LMOD2: variants seen among roughly 807,000 people sequenced by gnomAD.
LMOD2 encodes leiomodin-2.
LMOD2 carries 27 observed loss-of-function variants against 41.7 expected under a neutral mutation model. That is an observed-to-expected ratio of 0.65 (90% CI 0.48 to 0.89). LMOD2 has a LOEUF of 0.89. Among genes scored for constraint, LMOD2 ranks in the 40% least tolerant of loss-of-function variants. LMOD2 has a pLI of 0.00. For synonymous variants in LMOD2, 251 were observed against 244.6 expected (o/e 1.03, Z -0.25); for missense variants, 624 against 667.9 (o/e 0.93, Z 0.72).
chr7:123,660,284 CTT>C lies in LMOD2; in HGVS notation c.274-1574_274-1573del, dbSNP rs1374217465. ...CAGCTGCCACCAAACATTTCTCTCT[CTT>C]TCTCTCTCTCTCTCTCTCTCCCTCT... On this transcript the variant is annotated intron_variant, in intron 1 of 2. Transcript: ENST00000458573. 2.4e-3 allele frequency among the ~76,000 whole-genome samples: 341 copies of C among 142,134 alleles called. 3 individuals carry two copies. Among genetic ancestry groups the C allele is most frequent in the African/African-American group, 7.8e-3 (314 of 40,004 alleles). 93.2% of individuals were successfully genotyped at this position (142,134 alleles called of 152,430 possible).
chr7:123,663,015 C>CA lies in LMOD2; in HGVS notation c.1436dup (p.Lys480GlufsTer44), dbSNP rs867517246. Reference sequence around the variant, plus strand: ...TGCCCAACGGGCATTACAAAATGGACAAAAAAAGAAAAAAGGGAAAAAGGT... The same window carrying CA: ...TGCCCAACGGGCATTACAAAATGGACAAAAAAAAGAAAAAAGGGAAAAAGGT... On this transcript the variant is annotated frameshift_variant, in exon 2 of 3. Transcript: ENST00000458573. LOFTEE classifies it high-confidence loss of function. The CA allele has an allele frequency of 6.5e-7, 1 of 1,546,318 alleles. No individual in the cohort carries two copies. The highest frequency in any genetic ancestry group is 8.7e-7 in the Non-Finnish European group (1 of 1,145,884).
rs767156746 is a variant in LMOD2, at chr7:123,655,955, G to C, written c.-9G>C. On this transcript the variant is annotated 5_prime_UTR_variant, in exon 1 of 3. Transcript: ENST00000458573. ...TCAAGCTCCTTCTGGGTCTGACAAA[G>C]CAGGGACCATGTCTACCTTTGGCTA... 7 of 1,598,222 alleles carry C rather than the reference G, an allele frequency of 4.4e-6. 1 individual carries two copies. In the South Asian group the frequency reaches 7.9e-5, roughly 18 times the overall value.
intron 1 of LMOD2, among the ~76,000 whole-genome samples, chr7:123,657,989 A>G (rs1802815759): frequency 1.1e-5 from 1 of 88,032 alleles, no homozygotes; most frequent in Non-Finnish European, 2.5e-5. Context: ...ACCTTGTCTC[A>G]TTAAAAAAAA....
Position 123,662,567 on chromosome 7 carries a change from G to A in LMOD2, c.981G>A (p.Thr327=), listed in dbSNP as rs373016889. Residue 327 remains threonine, a synonymous_variant, in exon 2 of 3, where the codon ACG becomes ACA. Transcript: ENST00000458573. This position sits in a 1 kb window ranked among gnomAD's most constrained non-coding sequence, Gnocchi z 4.0. ...TCAAGCTGCTGAAGGAGAACACGAC[G>A]CTGCTGAGGCTGGGATACCATTTTG... is the stretch of plus-strand genomic sequence containing the variant. ...EIVKLLKENT[T]LLRLGYHFEL... 13 of 1,613,978 alleles carry A rather than the reference G, an allele frequency of 8.1e-6. No homozygotes were observed. Among genetic ancestry groups the A allele is most frequent in the South Asian group, 6.6e-5 (6 of 91,084 alleles).
chr7:123,655,978 C>T lies in LMOD2; in HGVS notation c.15C>T (p.Gly5=). The T allele has an allele frequency of 6.2e-7, 1 of 1,606,346 alleles. No individual in the cohort carries two copies. The highest frequency in any genetic ancestry group is 8.5e-7 in the Non-Finnish European group (1 of 1,177,136). The change falls in exon 1 of 3, where the codon GGC becomes GGT. Residue 5 remains glycine (G), a synonymous_variant. Transcript: ENST00000458573. ...AAGCAGGGACCATGTCTACCTTTGG[C>T]TACCGAAGAGGACTCAGTAAATACG... MSTF[G]YRRGLSKYES...
chr7:123,662,272 T>C lies in LMOD2; in HGVS notation c.686T>C (p.Leu229Pro). ...NNIENITTQT[L>P]TRFAEALKDN... The stretch of plus-strand genomic sequence containing the variant: ...ATTGAGAACATCACAACACAGACCC[T>C]TACCCGCTTTGCTGAAGCCCTCAAG... The change falls in exon 2 of 3, where the codon CTT (leucine) becomes CCT (proline). Residue 229 changes from leucine to proline, a missense_variant. Physicochemically the swap from Leu to Pro is moderately conservative, Grantham distance 98. Coordinates refer to ENST00000458573, the MANE Select transcript of LMOD2 (RefSeq NM_207163.3). This position sits in a 1 kb window ranked among gnomAD's most constrained non-coding sequence, Gnocchi z 4.0. 6.2e-7 allele frequency: 1 copy of C among 1,613,986 alleles called. No individual in the cohort carries two copies. The highest frequency in any genetic ancestry group is 8.5e-7 in the Non-Finnish European group (1 of 1,179,882).
chr7:123,662,810 G>A lies in LMOD2; in HGVS notation c.1224G>A (p.Gln408=), dbSNP rs376215847. ...WSSPKLPKKV[Q]TVRSRPLSPV... ...CCCCAAAACTCCCCAAAAAAGTCCA[G>A]ACTGTGAGGAGCCGTCCTCTGTCTC... Residue 408 remains glutamine (Q), a synonymous_variant, in exon 2 of 3, where the codon CAG becomes CAA. Coordinates refer to ENST00000458573, the MANE Select transcript of LMOD2 (RefSeq NM_207163.3). The surrounding 1 kb of genome is among the most constrained non-coding windows in gnomAD (Gnocchi z 4.0). 6.2e-7 allele frequency: 1 copy of A among 1,613,208 alleles called. No individual in the cohort carries two copies. Among genetic ancestry groups the A allele is most frequent in the East Asian group, 2.2e-5 (1 of 44,822 alleles).
rs542588014 is a variant in LMOD2 at position 123,656,011 on chromosome 7, C to T, written c.48C>T (p.Ile16=). ...GAGGACTCAGTAAATACGAATCCAT[C>T]GACGAGGATGAACTCCTCGCCTCCC... ...YRRGLSKYES[I]DEDELLASLS... The change falls in exon 1 of 3, where the codon ATC becomes ATT. Residue 16 remains isoleucine, a synonymous_variant. Coordinates refer to ENST00000458573, the MANE Select transcript of LMOD2 (RefSeq NM_207163.3). 31 of 1,609,198 alleles carry T rather than the reference C, an allele frequency of 1.9e-5. No individual in the cohort carries two copies. In the East Asian group the frequency reaches 3.4e-4, roughly 17 times the overall value.
rs1198544498 is a variant in LMOD2, at chr7:123,656,138, A to C, written c.175A>C (p.Thr59Pro). 1.2e-6 allele frequency: 2 copies of C among 1,609,620 alleles called. No homozygotes were observed. The highest frequency in any genetic ancestry group is 1.1e-5 in the South Asian group (1 of 89,958). The change falls in exon 1 of 3, where the codon ACC becomes CCC. Residue 59 changes from threonine (T) to proline (P), a missense_variant. Thr to Pro is a conservative substitution (Grantham distance 38). Coordinates refer to ENST00000458573, the MANE Select transcript of LMOD2 (RefSeq NM_207163.3). ...GLRQKSLTEK[T>P]PTGTFSREAL... Reference sequence around the variant, plus strand: ...AAGGCAAAAGAGCCTGACAGAGAAAACCCCCACAGGGACATTCAGCAGAGA... The same window carrying C: ...AAGGCAAAAGAGCCTGACAGAGAAACCCCCCACAGGGACATTCAGCAGAGA...
At chr7:123,658,277 C>A (rs778905163) in intron 1 of LMOD2, among the ~76,000 whole-genome samples, 4 of 152,154 alleles carry the variant, frequency 2.6e-5, no homozygotes, top group African/African-American at 9.7e-5. Flanking sequence ...TCCCTGCTGG[C>A]CAGCTGTCTG....
Position 123,656,128 on chromosome 7 carries a change from G to A in LMOD2, c.165G>A (p.Leu55=), listed in dbSNP as rs1260111227. Residue 55 remains leucine (L), a synonymous_variant, in exon 1 of 3, where the codon CTG becomes CTA. Coordinates refer to ENST00000458573, the MANE Select transcript of LMOD2 (RefSeq NM_207163.3). ...CCGTGGGGCTAAGGCAAAAGAGCCT[G>A]ACAGAGAAAACCCCCACAGGGACAT... The part of the protein sequence containing the change: ...NLPVGLRQKS[L]TEKTPTGTFS... The A allele has an allele frequency of 6.2e-7, 1 of 1,610,322 alleles. No individual in the cohort carries two copies. Among genetic ancestry groups the A allele is most frequent in the Non-Finnish European group, 8.5e-7 (1 of 1,178,304 alleles).
rs759412133 is a variant in LMOD2 at position 123,661,940 on chromosome 7, A to AGAG, written c.370_372dup (p.Glu124dup). The AGAG allele has an allele frequency of 5.3e-5, 83 of 1,553,884 alleles. No homozygotes were observed. In the Admixed American group the frequency reaches 6.1e-4, roughly 11 times the overall value. On this transcript the variant is annotated inframe_insertion, in exon 2 of 3. Coordinates refer to ENST00000458573, the MANE Select transcript of LMOD2 (RefSeq NM_207163.3). ...GTGAGGTTTCTGAGGAAGTGTATAC[A>AGAG]GAGGAGGAGGAGGAGGAGTCCCAGG... is the stretch of plus-strand genomic sequence containing the variant.
intron 1 of LMOD2, among the ~76,000 whole-genome samples, chr7:123,660,698 G>GA (rs1213666755): frequency 6.6e-6 from 1 of 150,754 alleles, no homozygotes; most frequent in African/African-American, 2.4e-5. Flanking sequence ...GACAGCAGGA[G>GA]AAAAAGATTA....
intron 2 of LMOD2, 188 bp downstream of exon 2, chr7:123,663,391 A>G: frequency 1.3e-6 from 1 of 767,408 alleles, no homozygotes; most frequent in Admixed American, 3.1e-5. Flanking sequence ...TCTATTTGAG[A>G]GGAACGCCTG....
At position 123,664,251 on chromosome 7, in the gene LMOD2, A is replaced by G. The variant is rs1478063455; in HGVS notation, c.*506A>G. ...ATCTGTCAGGTGTGTATGTAACATTACTGGACATTAAAAAAAAATATTACA... is the reference window on the plus strand; with the variant it reads ...ATCTGTCAGGTGTGTATGTAACATTGCTGGACATTAAAAAAAAATATTACA... On this transcript the variant is annotated 3_prime_UTR_variant, in exon 3 of 3. Transcript: ENST00000458573. 1 of 152,352 alleles carries G rather than the reference A, an allele frequency of 6.6e-6. No individual in the cohort carries two copies. The highest frequency in any genetic ancestry group is 2.4e-5 in the African/African-American group (1 of 41,376). The allele number at this position is 152,352 out of a possible 1,614,324, so 9.4% of individuals were successfully genotyped here.
rs139356346 is a variant in LMOD2 at position 123,660,286 on chromosome 7, T to TTC, written c.274-1555_274-1554dup. Among the ~76,000 whole-genome samples, 948 of 123,844 alleles carry TTC rather than the reference T, an allele frequency of 7.7e-3. 9 individuals carry two copies. Among genetic ancestry groups the TTC allele is most frequent in the African/African-American group, 0.027 (859 of 31,352 alleles). 81.2% of individuals were successfully genotyped at this position (123,844 alleles called of 152,430 possible). ...GCTGCCACCAAACATTTCTCTCTCT[T>TTC]TCTCTCTCTCTCTCTCTCTCCCTCT... On this transcript the variant is annotated intron_variant, in intron 1 of 2. Coordinates refer to ENST00000458573, the MANE Select transcript of LMOD2 (RefSeq NM_207163.3).
chr7:123,663,595 A>G (rs1384104792), intron 2 of LMOD2, 124 bp from the exon 3 acceptor site: 14 of 775,682 alleles, frequency 1.8e-5, no homozygotes, highest in Non-Finnish European at 3.0e-5. Context: ...TGGTAAAAAA[A>G]TTACCATGCA....
rs750222121 is a variant in LMOD2 at position 123,663,208 on chromosome 7, G to A, written c.1617+5G>A. ...AGCATAAAACAGCTAAAGCGGGTAA[G>A]TAACCAGAGAACAGACATAGGGGCA... is the stretch of plus-strand genomic sequence containing the variant. On this transcript the variant is annotated splice_donor_5th_base_variant and intron_variant, in intron 2 of 2. Coordinates refer to ENST00000458573, the MANE Select transcript of LMOD2 (RefSeq NM_207163.3). 4.5e-6 allele frequency: 7 copies of A among 1,560,194 alleles called. No individual in the cohort carries two copies. In the South Asian group the frequency reaches 7.1e-5, roughly 16 times the overall value.
chr7:123,661,239 G>A (rs1381653954), intron 1 of LMOD2, among the ~76,000 whole-genome samples: 5 of 152,328 alleles, frequency 3.3e-5, no homozygotes, highest in South Asian at 2.1e-4. Context: ...GGGCTCTACC[G>A]TAGAAGCAGA....
Sources: allele counts gnomAD v4.1 joint callset (sites outside exome capture counted in the v4.1 genomes callset), GRCh38; gene constraint gnomAD v4.1.1; non-coding constraint Gnocchi (gnomAD v3.1); transcripts MANE v1.5; gene names NCBI Gene and HGNC (gene_info 2026-07-23, HGNC 2026-07-21).